COX5A: variants seen among roughly 807,000 people sequenced by gnomAD.
COX5A encodes the protein cytochrome c oxidase subunit 5A, mitochondrial.
In COX5A, 6 loss-of-function variants were observed where a neutral mutation model predicts 16.1. The observed-to-expected ratio is 0.37, with a 90% CI of 0.20 to 0.73. The LOEUF (loss-of-function observed/expected upper bound fraction) is 0.73. COX5A is among the 30% of genes least tolerant of loss of function. The pLI is 0.50. For synonymous variants in COX5A, 73 were observed against 73.8 expected (o/e 0.99, Z 0.06); for missense variants, 159 against 194.9 (o/e 0.82, Z 1.10).
chr15:74,930,450 CA>C (rs1207695622), intron 1 of COX5A, among the ~76,000 whole-genome samples: 2 of 107,096 alleles, frequency 1.9e-5, no homozygotes, highest in South Asian at 3.2e-4. Context: ...ACAACAACAA[CA>C]AAAAAAACCA....
At chr15:74,929,053 A>C (rs900050999) in intron 2 of COX5A, 63 bp downstream of exon 2, 2 of 1,145,706 alleles carry the variant, frequency 1.7e-6, no homozygotes, top group Non-Finnish European at 2.6e-6. Context: ...GCTCTCAATA[A>C]AGGAGCAGAA....
At position 74,925,344 on chromosome 15, in the gene COX5A, A is replaced by G. The variant is rs1019217567; in HGVS notation, c.339+1422T>C. Among the ~76,000 whole-genome samples, 10 of 152,090 alleles carry G rather than the reference A, an allele frequency of 6.6e-5. No individual in the cohort carries two copies. The East Asian group carries it at 7.7e-4, about 12-fold the overall frequency. On this transcript the variant is annotated intron_variant, in intron 3 of 4. Coordinates refer to ENST00000322347, the MANE Select transcript of COX5A (RefSeq NM_004255.4). ...AACTCAGAAATTATGACCAAATAAG[A>G]AGGAGGAAAATTAGTATATATCCTC...
intron 4 of COX5A, among the ~76,000 whole-genome samples, chr15:74,923,114 T>C (rs912671949): frequency 6.6e-6 from 1 of 152,172 alleles, no homozygotes; most frequent in African/African-American, 2.4e-5. Context: ...GTGGCTTTTA[T>C]TTGTCTTTCT....
chr15:74,937,941 G>C lies in COX5A; in HGVS notation c.74C>G (p.Ser25Cys), dbSNP rs200367305. The change falls in exon 1 of 5, where the codon TCC becomes TGC. Residue 25 changes from serine to cysteine, a missense_variant. Physicochemically the swap from Ser to Cys is moderately radical, Grantham distance 112 (BLOSUM62 -1). Coordinates refer to ENST00000322347, the MANE Select transcript of COX5A (RefSeq NM_004255.4). ...TRADPRGLLH[S>C]ARTPGPAVAI... Reference sequence around the variant, plus strand: ...CACGGCGGGGCCGGGGGTCCGGGCGGAGTGCAGGAGGCCTCGAGGGTCGGC... The same window carrying C: ...CACGGCGGGGCCGGGGGTCCGGGCGCAGTGCAGGAGGCCTCGAGGGTCGGC... 3.5e-3 allele frequency: 4,299 copies of C among 1,232,312 alleles called. 10 individuals carry two copies. Among genetic ancestry groups the C allele is most frequent in the Non-Finnish European group, 4.1e-3 (4,064 of 987,190 alleles). The allele number at this position is 1,232,312 out of a possible 1,614,324, so 76.3% of individuals were successfully genotyped here.
At chr15:74,933,697 A>G (rs1000058711) in intron 1 of COX5A, among the ~76,000 whole-genome samples, 1 of 152,224 alleles carries the variant, frequency 6.6e-6, no homozygotes, top group African/African-American at 2.4e-5. Flanking sequence ...CAAGTTAAAC[A>G]CAAACCTACC....
At chr15:74,926,507 A>G (rs1173831261) in intron 3 of COX5A, among the ~76,000 whole-genome samples, 1 of 151,860 alleles carries the variant, frequency 6.6e-6, no homozygotes, top group East Asian at 1.9e-4. Context: ...AAGAAAAAAA[A>G]AAAAGAGAGA....
intron 1 of COX5A, among the ~76,000 whole-genome samples, chr15:74,930,933 C>T (rs1485432542): frequency 7.5e-6 from 1 of 133,470 alleles, no homozygotes; most frequent in Non-Finnish European, 1.5e-5. Context: ...AGGAGAATGG[C>T]GTGAACCCAG....
chr15:74,922,384 CAA>C (rs200528837), intron 4 of COX5A, among the ~76,000 whole-genome samples: 15 of 71,764 alleles, frequency 2.1e-4, no homozygotes, highest in Middle Eastern at 9.6e-3. Context: ...GACTCCGTCT[CAA>C]AAAAAAAAAA....
At chr15:74,921,422 A>AAAG (rs1555406642) in intron 4 of COX5A, among the ~76,000 whole-genome samples, 13 of 150,006 alleles carry the variant, frequency 8.7e-5, no homozygotes, top group Non-Finnish European at 1.3e-4. Context: ...AAAAAAAAAA[A>AAAG]AAAAGAAAAA....
intron 4 of COX5A, among the ~76,000 whole-genome samples, chr15:74,922,256 A>C (rs957561628): frequency 4.0e-5 from 6 of 151,866 alleles, no homozygotes; most frequent in Admixed American, 1.3e-4. Context: ...ATGGTGGTGC[A>C]TGCCTGTAAT....
chr15:74,923,279 C>G (rs1436742696), intron 4 of COX5A, among the ~76,000 whole-genome samples: 1 of 151,860 alleles, frequency 6.6e-6, no homozygotes, highest in East Asian at 1.9e-4. Flanking sequence ...CAAAAATTAG[C>G]CAGTTGTGGT....
At chr15:74,933,787 C>A (rs576420701) in intron 1 of COX5A, among the ~76,000 whole-genome samples, 61 of 152,244 alleles carry the variant, frequency 4.0e-4, no homozygotes, top group African/African-American at 1.4e-3. Context: ...AATTACCTGT[C>A]CCATCCACAA....
Position 74,923,649 on chromosome 15 carries a change from C to T in COX5A, c.*8G>A, listed in dbSNP as rs114352644. 1,785 of 1,564,898 alleles carry T rather than the reference C, an allele frequency of 1.1e-3. 18 individuals carry two copies. In the African/African-American group the frequency reaches 0.022, roughly 20 times the overall value. On this transcript the variant is annotated splice_region_variant and 3_prime_UTR_variant, in exon 4 of 5. Transcript: ENST00000322347. ...CTTCTTCAGTGGTTTGTCGCTTACC[C>T]ATGCGGTTTACACTTTGTCAAGGCC... is the stretch of plus-strand genomic sequence containing the variant.
At chr15:74,937,521 G>A (rs1416973570) in intron 1 of COX5A, among the ~76,000 whole-genome samples, 1 of 152,180 alleles carries the variant, frequency 6.6e-6, no homozygotes, top group East Asian at 1.9e-4. Context: ...GACCCCAAGC[G>A]GCGTGCCCGG....
At chr15:74,930,998 C>G (rs1027888505) in intron 1 of COX5A, among the ~76,000 whole-genome samples, 4 of 100,170 alleles carry the variant, frequency 4.0e-5, no homozygotes, top group African/African-American at 1.6e-4. Context: ...GCCTGGGCAA[C>G]AGAGCGAGAC....
intron 1 of COX5A, 133 bp from the exon 2 acceptor site, chr15:74,929,365 C>T (rs1051375831): frequency 2.2e-5 from 14 of 632,168 alleles, no homozygotes; most frequent in Admixed American, 2.7e-5. Context: ...TGAAATACAT[C>T]GTATACATTG....
chr15:74,927,415 T>G (rs1409627959), intron 2 of COX5A, among the ~76,000 whole-genome samples: 1 of 152,068 alleles, frequency 6.6e-6, no homozygotes, highest in Non-Finnish European at 1.5e-5. Flanking sequence ...GACCTCGTGA[T>G]CCACCTGCCT....
intron 1 of COX5A, among the ~76,000 whole-genome samples, chr15:74,930,361 T>C (rs892349795): frequency 1.4e-5 from 2 of 138,052 alleles, no homozygotes; most frequent in African/African-American, 5.6e-5. Context: ...GAGGTTGCAG[T>C]GAGCCAAGAT....
At position 74,929,224 on chromosome 15, in the gene COX5A, A is replaced by C; in HGVS notation, c.109T>G (p.Ser37Ala). 6.2e-7 allele frequency: 1 copy of C among 1,605,970 alleles called. No individual in the cohort carries two copies. Among genetic ancestry groups the C allele is most frequent in the Non-Finnish European group, 8.5e-7 (1 of 1,172,656 alleles). Reference protein sequence around the residue: ...RTPGPAVAIQSVRCYSHGSQE... With the variant: ...RTPGPAVAIQAVRCYSHGSQE... Reference sequence around the variant, plus strand: ...GACCCATGGGAATAGCAGCGAACTGACTGGATAGCTATAATGTGAAAGAAC... The same window carrying C: ...GACCCATGGGAATAGCAGCGAACTGCCTGGATAGCTATAATGTGAAAGAAC... Residue 37 changes from serine to alanine, a missense_variant, in exon 2 of 5, where the codon TCA (serine) becomes GCA (alanine). Coordinates refer to ENST00000322347, the MANE Select transcript of COX5A (RefSeq NM_004255.4).
Sources: allele counts gnomAD v4.1 joint callset (sites outside exome capture counted in the v4.1 genomes callset), GRCh38; gene constraint gnomAD v4.1.1; transcripts MANE v1.5; gene names NCBI Gene and HGNC (gene_info 2026-07-23, HGNC 2026-07-21).